S100PBP: variants seen among roughly 807,000 people sequenced by gnomAD.
S100PBP encodes S100P binding protein.
A neutral mutation model predicts 39.9 loss-of-function variants in S100PBP; 15 were observed. The ratio of observed to expected loss-of-function variants is 0.38; its 90% CI spans 0.25 to 0.58. The LOEUF (loss-of-function observed/expected upper bound fraction) is 0.58, where lower values mean the gene tolerates loss of function less well. Among genes scored for constraint, S100PBP ranks in the 20% least tolerant of loss-of-function variants. The probability of loss-of-function intolerance (pLI) is 0.70; values close to 1 mark genes in which losing one functional copy is unlikely to be tolerated. For synonymous variants in S100PBP, 178 were observed against 180.3 expected, an observed-to-expected ratio of 0.99 and a Z score of 0.10; for missense variants, 504 against 487.3, an observed-to-expected ratio of 1.03 and a Z score of -0.32.
rs140081005 is a variant in S100PBP at position 32,830,013 on chromosome 1, C to T, written c.970C>T (p.Leu324Phe). 1 of 1,614,020 alleles carries T rather than the reference C, an allele frequency of 6.2e-7. No homozygotes were observed. The highest frequency in any genetic ancestry group is 2.2e-5 in the East Asian group (1 of 44,876). Residue 324 changes from leucine (L) to phenylalanine (F), a missense_variant, in exon 5 of 7, where the codon CTT becomes TTT. By Grantham distance (22) the Leu-to-Phe change is conservative (BLOSUM62 0). Coordinates refer to ENST00000373475, the MANE Select transcript of S100PBP (RefSeq NM_022753.4). ...SQSNLEQQKQLYLRSVIAHIE... is the reference protein window; with the variant it reads ...SQSNLEQQKQFYLRSVIAHIE... ...GTCAAATCTAGAACAGCAGAAGCAG[C>T]TTTATCTCAGGAGTGTCATTGCTCA...
chr1:32,836,460 T>A (rs962723106), intron 5 of S100PBP: 30 of 814,526 alleles, frequency 3.7e-5, no homozygotes, highest in Non-Finnish European at 4.4e-5. Flanking sequence ...TGTTTTTTTT[T>A]ATAGTAGCTA....
At chr1:32,818,797 C>T (rs1638894532) in intron 1 of S100PBP, 2 of 152,236 alleles carry the variant, frequency 1.3e-5, no homozygotes, top group African/African-American at 2.4e-5. Flanking sequence ...AATGTTGTGC[C>T]TATTTTTTAT....
At chr1:32,832,183 AC>A (rs1639629830) in intron 5 of S100PBP, among the ~76,000 whole-genome samples, 1 of 152,252 alleles carries the variant, frequency 6.6e-6, no homozygotes, top group Non-Finnish European at 1.5e-5. Flanking sequence ...TGAAAATTAT[AC>A]GGGTATAAAG....
At chr1:32,849,150 T>C (rs891266264) in intron 5 of S100PBP, among the ~76,000 whole-genome samples, 1 of 149,856 alleles carries the variant, frequency 6.7e-6, no homozygotes, top group Admixed American at 6.8e-5. Context: ...TCTTTTTTTT[T>C]CTTTTTTTTT....
At chr1:32,821,435 C>T (rs1639056700) in intron 1 of S100PBP, among the ~76,000 whole-genome samples, 1 of 151,764 alleles carries the variant, frequency 6.6e-6, no homozygotes, top group African/African-American at 2.4e-5. Flanking sequence ...AGTTCCCCTG[C>T]CTCAGCCTCT....
At chr1:32,822,384 G>A (rs954239914) in intron 1 of S100PBP, among the ~76,000 whole-genome samples, 4 of 151,946 alleles carry the variant, frequency 2.6e-5, no homozygotes, top group African/African-American at 9.7e-5. Context: ...AGGCCGAGGC[G>A]GGCGGATCAC....
chr1:32,854,443 A>G (rs187808065), intron 6 of S100PBP, among the ~76,000 whole-genome samples: 3 of 152,302 alleles, frequency 2.0e-5, no homozygotes, highest in Admixed American at 1.3e-4. Flanking sequence ...TACAGATGGA[A>G]CCATTCATTT....
intron 5 of S100PBP, chr1:32,843,056 T>G (rs539569172): frequency 6.6e-6 from 1 of 152,328 alleles, no homozygotes; most frequent in East Asian, 1.9e-4. Flanking sequence ...GTTTTTAAAA[T>G]TTCAGTATCT....
chr1:32,828,125 C>A, intron 4 of S100PBP, 44 bp downstream of exon 4: 1 of 1,362,854 alleles, frequency 7.3e-7, no homozygotes, highest in Non-Finnish European at 1.0e-6. Context: ...TTTTGGTTCT[C>A]TTCAATTTCT....
At position 32,820,144 on chromosome 1, in the gene S100PBP, C is replaced by CTTTTTTTTTTTTTT. The variant is rs5773387; in HGVS notation, c.-120+2462_-120+2475dup. ...ACTCTTTTTTCCTACCGTTCCTATG[C>CTTTTTTTTTTTTTT]TTTTTTTTTTTTTTTTTTTTGAGAT... On this transcript the variant is annotated intron_variant, in intron 1 of 6. Coordinates refer to ENST00000373475, the MANE Select transcript of S100PBP (RefSeq NM_022753.4). Among the ~76,000 whole-genome samples the CTTTTTTTTTTTTTT allele has an allele frequency of 1.9e-5, 2 of 104,828 alleles. 1 individual carries two copies. 68.8% of individuals were successfully genotyped at this position (104,828 alleles called of 152,430 possible).
At position 32,842,217 on chromosome 1, in the gene S100PBP, A is replaced by ATG. The variant is rs1430687690; in HGVS notation, c.1025-10861_1025-10860insGT. On this transcript the variant is annotated intron_variant, in intron 5 of 6. Coordinates refer to ENST00000373475, the MANE Select transcript of S100PBP (RefSeq NM_022753.4). ...AAAAAAAAAAAACATATATATATAT[A>ATG]TATGTATATATATATATATACACAC... 2.0e-3 allele frequency among the ~76,000 whole-genome samples: 134 copies of ATG among 66,456 alleles called. 1 individual carries two copies. Among genetic ancestry groups the ATG allele is most frequent in the Non-Finnish European group, 3.1e-3 (114 of 37,056 alleles). 43.6% of individuals were successfully genotyped at this position (66,456 alleles called of 152,430 possible). A position where few individuals can be genotyped will look rare whatever the true frequency, so the allele number is the denominator to read the frequency against.
At chr1:32,853,498 G>C (rs1444419404) in intron 6 of S100PBP, among the ~76,000 whole-genome samples, 2 of 151,390 alleles carry the variant, frequency 1.3e-5, no homozygotes, top group African/African-American at 2.4e-5. Context: ...GGCGGTGGGG[G>C]GGGGGCGCGT....
chr1:32,846,032 C>G (rs949197112), intron 5 of S100PBP, among the ~76,000 whole-genome samples: 3 of 151,570 alleles, frequency 2.0e-5, no homozygotes, highest in Non-Finnish European at 4.4e-5. Flanking sequence ...CTCTATCACC[C>G]AGGCTGGAGT....
chr1:32,839,995 G>GT (rs1160795568), intron 5 of S100PBP, among the ~76,000 whole-genome samples: 12 of 151,060 alleles, frequency 7.9e-5, no homozygotes, highest in South Asian at 2.1e-4. Flanking sequence ...GTTTTGTTTT[G>GT]TTTTTTTGAG....
At chr1:32,839,176 A>C in intron 5 of S100PBP, among the ~76,000 whole-genome samples, 1 of 152,006 alleles carries the variant, frequency 6.6e-6, no homozygotes, top group South Asian at 2.1e-4. Flanking sequence ...ATTCCACTTT[A>C]TGTGTTTATG....
At chr1:32,821,096 C>CTTAT (rs1639035524) in intron 1 of S100PBP, among the ~76,000 whole-genome samples, 1 of 150,622 alleles carries the variant, frequency 6.6e-6, no homozygotes, top group Non-Finnish European at 1.5e-5. Context: ...TTTTTTTTTC[C>CTTAT]TTATTTATTT....
rs573729759 is a variant in S100PBP at position 32,830,157 on chromosome 1, A to G, written c.1024+90A>G. The G allele has an allele frequency of 1.6e-3, 1,277 of 804,012 alleles. 28 individuals are homozygous for G. The South Asian group carries it at 0.018, about 11-fold the overall frequency. The allele number at this position is 804,012 out of a possible 1,614,324, so 49.8% of individuals were successfully genotyped here. A position where few individuals can be genotyped will look rare whatever the true frequency, so the allele number is the denominator to read the frequency against. ...AGCTTAAACTGGGAGATTGTTTAGA[A>G]TTTTCTTAAATTCTTGAGAAAGATA... On this transcript the variant is annotated intron_variant, in intron 5 of 6. Coordinates refer to ENST00000373475, the MANE Select transcript of S100PBP (RefSeq NM_022753.4).
intron 5 of S100PBP, among the ~76,000 whole-genome samples, chr1:32,843,747 A>G (rs1640225492): frequency 6.7e-6 from 1 of 149,838 alleles, no homozygotes; most frequent in Non-Finnish European, 1.5e-5. Flanking sequence ...GCCACCGCAC[A>G]TGGCCTAATT....
intron 5 of S100PBP, among the ~76,000 whole-genome samples, chr1:32,830,531 C>T (rs1218240390): frequency 6.6e-6 from 1 of 152,164 alleles, no homozygotes; most frequent in East Asian, 1.9e-4. Flanking sequence ...GTTTGGCTAC[C>T]TTCCAGATCC....
Sources: gnomAD v4.1 joint callset for allele counts (sites outside exome capture counted in the v4.1 genomes callset) on GRCh38, gnomAD v4.1.1 for gene constraint, MANE v1.5 for transcripts, NCBI Gene and HGNC (gene_info 2026-07-23, HGNC 2026-07-21) for gene names.